Variants in WIZ observed in about 807,000 individuals in gnomAD.
The protein encoded by WIZ is protein Wiz.
In WIZ, 25 loss-of-function variants were observed where a neutral mutation model predicts 140.2. The observed-to-expected ratio is 0.18, with a 90% CI of 0.13 to 0.25. WIZ has a LOEUF of 0.25. WIZ is among the 10% of genes least tolerant of loss of function. The pLI is 1.00. For synonymous variants in WIZ, 1,125 were observed against 1,154.3 expected, an observed-to-expected ratio of 0.97 and a Z score of 0.51; for missense variants, 2,231 against 2,632.6, an observed-to-expected ratio of 0.85 and a Z score of 3.34.
In WIZ at chr19:15,420,840, ACGGGC is replaced by A. The variant is rs1342770304; in HGVS notation, c.*2231_*2235del. 1 of 152,254 alleles carries A rather than the reference ACGGGC, an allele frequency of 6.6e-6. No individual in the cohort carries two copies. Among genetic ancestry groups the A allele is most frequent in the Non-Finnish European group, 1.5e-5 (1 of 68,080 alleles). 9.4% of individuals were successfully genotyped at this position (152,254 alleles called of 1,614,324 possible). A position where few individuals can be genotyped will look rare whatever the true frequency, so the allele number is the denominator to read the frequency against. Reference sequence around the variant, plus strand: ...ACTTTTATATTTCAAAAACTGACTTACGGGCCGGGCATAGTGGCTCACGCCTGTAA... The same window carrying A: ...ACTTTTATATTTCAAAAACTGACTTACGGGCATAGTGGCTCACGCCTGTAA... On this transcript the variant is annotated 3_prime_UTR_variant, in exon 13 of 13. Transcript: ENST00000673675.
chr19:15,440,297 C>A lies in WIZ; in HGVS notation c.697G>T (p.Val233Leu). Residue 233 changes from valine (V) to leucine (L), a missense_variant, in exon 4 of 13, where the codon GTG becomes TTG. Coordinates refer to ENST00000673675, the MANE Select transcript of WIZ (RefSeq NM_001371589.1). The surrounding 1 kb of genome is among the most constrained non-coding windows in gnomAD (Gnocchi z 6.2). ...TCCAGATCTTCTCTGCCACCCACCA[C>A]CGCCATGTCCAGCGTCTTCGGGGTG... ...EDTPKTLDMA[V>L]VGGREDLEDL... The A allele has an allele frequency of 6.7e-7, 1 of 1,500,230 alleles. No homozygotes were observed. The highest frequency in any genetic ancestry group is 2.1e-5 in the Admixed American group (1 of 47,486). The allele number at this position is 1,500,230 out of a possible 1,614,324, so 92.9% of individuals were successfully genotyped here.
At chr19:15,432,545 G>A (rs1246067477) in intron 5 of WIZ, 1 of 628,352 alleles carries the variant, frequency 1.6e-6, no homozygotes, top group Admixed American at 6.6e-5. Flanking sequence ...GGGGGTGGGG[G>A]CGGCGGCGGC....
chr19:15,434,769 G>C (rs1219641688), intron 5 of WIZ, among the ~76,000 whole-genome samples: 1 of 152,030 alleles, frequency 6.6e-6, no homozygotes, highest in African/African-American at 2.4e-5. Flanking sequence ...CCCTTCACTT[G>C]TCCACTCCCT....
At chr19:15,444,872 G>A (rs1452969229) in intron 2 of WIZ, among the ~76,000 whole-genome samples, 5 of 152,184 alleles carry the variant, frequency 3.3e-5, no homozygotes, top group South Asian at 4.1e-4. Context: ...CCAAGATTCC[G>A]GGCGTCCCAG....
rs1467092317 is a variant in WIZ, at chr19:15,440,410, GA to G, written c.583del (p.Ser195ProfsTer67). On this transcript the variant is annotated frameshift_variant, in exon 4 of 13. Transcript: ENST00000673675. LOFTEE classifies it high-confidence loss of function. The surrounding 1 kb of genome is among the most constrained non-coding windows in gnomAD (Gnocchi z 6.2). ...DWLQDEDEQG[S>X]PQDAGLHLDL... ...CAAGTGCAGCCCTGCGTCCTGGGGGGATCCCTGCTCGTCCTCATCTTGGAGC... is the reference window on the plus strand; with the variant it reads ...CAAGTGCAGCCCTGCGTCCTGGGGGGTCCCTGCTCGTCCTCATCTTGGAGC... The G allele has an allele frequency of 6.5e-7, 1 of 1,535,676 alleles. No individual in the cohort carries two copies. Among genetic ancestry groups the G allele is most frequent in the African/African-American group, 1.4e-5 (1 of 72,998 alleles).
intron 6 of WIZ, 126 bp downstream of exon 6, chr19:15,430,886 C>T (rs1969188984): frequency 8.0e-7 from 1 of 1,244,662 alleles, no homozygotes; most frequent in Non-Finnish European, 1.1e-6. Context: ...ACCTTGGTGC[C>T]TCAAGGTGCC....
rs1181448498 is a variant in WIZ at position 15,423,984 on chromosome 19, T to C, written c.5510+199A>G. The C allele has an allele frequency of 1.4e-5, 7 of 488,582 alleles. No homozygotes were observed. The Admixed American group carries it at 2.5e-4, about 17-fold the overall frequency. The allele number at this position is 488,582 out of a possible 1,614,324, so 30.3% of individuals were successfully genotyped here. A position where few individuals can be genotyped will look rare whatever the true frequency, so the allele number is the denominator to read the frequency against. ...TCCCTGAGGTCACTAAGCTGGTAAG[T>C]GGCAGAGTTGGGATTTGAACCCAGG... On this transcript the variant is annotated intron_variant, in intron 12 of 12. Coordinates refer to ENST00000673675, the MANE Select transcript of WIZ (RefSeq NM_001371589.1).
rs757877377 is a variant in WIZ, at chr19:15,440,310, C to T, written c.684G>A (p.Thr228=). 44 of 1,511,774 alleles carry T rather than the reference C, an allele frequency of 2.9e-5. No individual in the cohort carries two copies. Among genetic ancestry groups the T allele is most frequent in the South Asian group, 8.7e-5 (7 of 80,790 alleles). The allele number at this position is 1,511,774 out of a possible 1,614,324, so 93.6% of individuals were successfully genotyped here. A position where few individuals can be genotyped will look rare whatever the true frequency, so the allele number is the denominator to read the frequency against. Residue 228 remains threonine (T), a synonymous_variant, in exon 4 of 13, where the codon ACG becomes ACA. Transcript: ENST00000673675. The surrounding 1 kb of genome is among the most constrained non-coding windows in gnomAD (Gnocchi z 6.2). ...VFVPVEDTPK[T]LDMAVVGGRE... The stretch of plus-strand genomic sequence containing the variant: ...TGCCACCCACCACCGCCATGTCCAG[C>T]GTCTTCGGGGTGTCTTCCACTGGCA...
chr19:15,430,229 T>G lies in WIZ; in HGVS notation c.2912-140A>C, dbSNP rs1194623037. 2.4e-6 allele frequency: 3 copies of G among 1,248,146 alleles called. No homozygotes were observed. The Admixed American group carries it at 8.9e-5, about 37-fold the overall frequency. 77.3% of individuals were successfully genotyped at this position (1,248,146 alleles called of 1,614,324 possible). A position where few individuals can be genotyped will look rare whatever the true frequency, so the allele number is the denominator to read the frequency against. ...CCGTCAGGCCCCCCAAACCTCACAATGACCCTAACAACGCAGAGAATAGCT... is the reference window on the plus strand; with the variant it reads ...CCGTCAGGCCCCCCAAACCTCACAAGGACCCTAACAACGCAGAGAATAGCT... On this transcript the variant is annotated intron_variant, in intron 6 of 12. Coordinates refer to ENST00000673675, the MANE Select transcript of WIZ (RefSeq NM_001371589.1).
rs1286349402 is a variant in WIZ at position 15,427,929 on chromosome 19, G to C, written c.3814+181C>G. Among the ~76,000 whole-genome samples, 1 of 152,172 alleles carries C rather than the reference G, an allele frequency of 6.6e-6. No homozygotes were observed. The highest frequency in any genetic ancestry group is 1.5e-5 in the Non-Finnish European group (1 of 68,020). On this transcript the variant is annotated intron_variant, in intron 8 of 12. Transcript: ENST00000673675. This position sits in a 1 kb window ranked among gnomAD's most constrained non-coding sequence, Gnocchi z 6.4. ...CTTCATTCTCAGGAAGGGTCATGGAGGTCAAAGGCCAAGAGAGAGGGCCTA... is the reference window on the plus strand; with the variant it reads ...CTTCATTCTCAGGAAGGGTCATGGACGTCAAAGGCCAAGAGAGAGGGCCTA...
intron 2 of WIZ, among the ~76,000 whole-genome samples, chr19:15,447,514 A>G (rs1386448736): frequency 6.6e-6 from 1 of 152,240 alleles, no homozygotes; most frequent in Admixed American, 6.5e-5. Flanking sequence ...TTTGGTTTAC[A>G]GCTGTCTTCC....
In WIZ at chr19:15,440,823, A is replaced by T; in HGVS notation, c.279-108T>A. 4 of 1,060,512 alleles carry T rather than the reference A, an allele frequency of 3.8e-6. No homozygotes were observed. Among genetic ancestry groups the T allele is most frequent in the Non-Finnish European group, 5.2e-6 (4 of 770,134 alleles). 65.7% of individuals were successfully genotyped at this position (1,060,512 alleles called of 1,614,324 possible). ...CGTTTGAAGCAGGCCCCGGAGATCC[A>T]GCCCGAGGGTGACAGGGGTGTGGGG... is the stretch of plus-strand genomic sequence containing the variant. On this transcript the variant is annotated intron_variant, in intron 3 of 12. Coordinates refer to ENST00000673675, the MANE Select transcript of WIZ (RefSeq NM_001371589.1). This position sits in a 1 kb window ranked among gnomAD's most constrained non-coding sequence, Gnocchi z 6.2.
Position 15,424,700 on chromosome 19 carries a change from G to T in WIZ, c.5227C>A (p.Arg1743=). The T allele has an allele frequency of 2.5e-6, 4 of 1,581,866 alleles. No homozygotes were observed. The highest frequency in any genetic ancestry group is 3.4e-6 in the Non-Finnish European group (4 of 1,171,482). ...GGCCGCTCACCACCGTCGGCTGCCC[G>T]GCCAGCCTCGGGCCCTGGCTCCCCT... ...AGGEPGPEAG[R]AADGGERPLA... Residue 1743 remains arginine (R), a synonymous_variant, in exon 11 of 13, where the codon CGG becomes AGG. Coordinates refer to ENST00000673675, the MANE Select transcript of WIZ (RefSeq NM_001371589.1). The surrounding 1 kb of genome is among the most constrained non-coding windows in gnomAD (Gnocchi z 9.7).
chr19:15,446,824 C>T (rs574845927), intron 2 of WIZ, among the ~76,000 whole-genome samples: 7 of 152,344 alleles, frequency 4.6e-5, no homozygotes, highest in East Asian at 1.9e-4. Flanking sequence ...TCTATGAGAG[C>T]GAGGATGGTG....
In WIZ at chr19:15,427,193, G is replaced by T; in HGVS notation, c.4155C>A (p.Pro1385=). ...GAGAGGCAGTTGGTGAGTGGCCCAG[G>T]GGGCTGCCCGGTGGTGGTGGCAACT... ...AKKLPPPPGS[P]LGHSPTASPP... is the part of the protein sequence containing the mutation. Residue 1385 remains proline (P), a synonymous_variant, in exon 9 of 13, where the codon CCC becomes CCA. Coordinates refer to ENST00000673675, the MANE Select transcript of WIZ (RefSeq NM_001371589.1). This position sits in a 1 kb window ranked among gnomAD's most constrained non-coding sequence, Gnocchi z 6.4. 6.2e-7 allele frequency: 1 copy of T among 1,614,190 alleles called. No individual in the cohort carries two copies. Among genetic ancestry groups the T allele is most frequent in the Non-Finnish European group, 8.5e-7 (1 of 1,180,040 alleles).
Position 15,424,699 on chromosome 19 carries a change from C to T in WIZ, c.5228G>A (p.Arg1743Gln), listed in dbSNP as rs201450941. The change falls in exon 11 of 13, where the codon CGG (arginine) becomes CAG (glutamine). Residue 1743 changes from arginine (R) to glutamine (Q), a missense_variant. Physicochemically the swap from Arg to Gln is conservative, Grantham distance 43 (BLOSUM62 1). This residue lies in a region of WIZ where 299 missense variants were observed against 309.6 expected (regional missense o/e 0.97). Coordinates refer to ENST00000673675, the MANE Select transcript of WIZ (RefSeq NM_001371589.1). This position sits in a 1 kb window ranked among gnomAD's most constrained non-coding sequence, Gnocchi z 9.7. ...AGGCCGCTCACCACCGTCGGCTGCC[C>T]GGCCAGCCTCGGGCCCTGGCTCCCC... ...AGGEPGPEAG[R>Q]AADGGERPLA... The T allele has an allele frequency of 8.9e-6, 14 of 1,581,728 alleles. No homozygotes were observed. Among genetic ancestry groups the T allele is most frequent in the East Asian group, 2.3e-5 (1 of 43,906 alleles).
chr19:15,434,684 G>A lies in WIZ; in HGVS notation c.2740+2122C>T, dbSNP rs939810593. On this transcript the variant is annotated intron_variant, in intron 5 of 12. Transcript: ENST00000673675. The stretch of plus-strand genomic sequence containing the variant: ...CTGTTCAGACACTCTCCATTCCTCA[G>A]AGCCCAACTACTTTTTGTAGCCAAG... Among the ~76,000 whole-genome samples the A allele has an allele frequency of 2.6e-5, 4 of 151,928 alleles. No homozygotes were observed. In the South Asian group the frequency reaches 8.3e-4, roughly 31 times the overall value.
intron 2 of WIZ, among the ~76,000 whole-genome samples, chr19:15,445,570 G>T (rs776619709): frequency 1.3e-5 from 2 of 152,162 alleles, no homozygotes; most frequent in Non-Finnish European, 2.9e-5. Context: ...TCCATGCTCT[G>T]ATTTTCTCCC....
intron 5 of WIZ, among the ~76,000 whole-genome samples, chr19:15,432,860 C>T (rs1225179338): frequency 2.6e-5 from 4 of 151,894 alleles, no homozygotes; most frequent in African/African-American, 9.7e-5. Context: ...GCGCCGAGTG[C>T]CACGAGCGAA....
Sources: gnomAD v4.1 joint callset for allele counts (sites outside exome capture counted in the v4.1 genomes callset) on GRCh38, gnomAD v4.1.1 for gene constraint, gnomAD v4.1.1 regional missense constraint, Gnocchi (gnomAD v3.1) non-coding constraint, MANE v1.5 for transcripts, NCBI Gene and HGNC (gene_info 2026-07-23, HGNC 2026-07-21) for gene names.